IQCM: variants seen among roughly 807,000 people sequenced by gnomAD.
IQCM encodes IQ domain-containing protein M.
A neutral mutation model predicts 57.6 loss-of-function variants in IQCM; 45 were observed. The ratio of observed to expected loss-of-function variants is 0.78; its 90% CI spans 0.62 to 1.00. The LOEUF (loss-of-function observed/expected upper bound fraction) is 1.00, where lower values mean the gene tolerates loss of function less well. IQCM is among the 50% of genes least tolerant of loss of function. The pLI, the probability that IQCM is intolerant of heterozygous loss-of-function variation, is 0.00. For synonymous variants in IQCM, 148 were observed against 158.9 expected, an observed-to-expected ratio of 0.93 and a Z score of 0.51; for missense variants, 468 against 511.6, an observed-to-expected ratio of 0.91 and a Z score of 0.82.
chr4:149,680,132 C>T (rs924255042), intron 7 of IQCM, among the ~76,000 whole-genome samples: 1 of 151,120 alleles, frequency 6.6e-6, no homozygotes, highest in Non-Finnish European at 1.5e-5. Flanking sequence ...CAGTGAAAAT[C>T]CCTATTCTTA....
At chr4:149,801,593 G>A (rs566389514) in intron 2 of IQCM, among the ~76,000 whole-genome samples, 6 of 152,012 alleles carry the variant, frequency 3.9e-5, no homozygotes, top group Middle Eastern at 3.4e-3. Context: ...TTGCAACAAC[G>A]TGGATGCAGC....
intron 7 of IQCM, among the ~76,000 whole-genome samples, chr4:149,667,710 T>C (rs926191248): frequency 6.6e-6 from 1 of 151,852 alleles, no homozygotes; most frequent in Non-Finnish European, 1.5e-5. Flanking sequence ...TGCTAACTAG[T>C]ATAACCAGTT....
chr4:149,686,393 T>G lies in IQCM; in HGVS notation c.461A>C (p.His154Pro). The change falls in exon 6 of 14, where the codon CAC becomes CCC. Residue 154 changes from histidine to proline, a missense_variant. By Grantham distance (77) the His-to-Pro change is moderately conservative. Transcript: ENST00000636793. ...SKKMETAKQQ[H>P]FEESRNRMLE... ...TATACATTACCTGGACTCCTCAAAG[T>G]GCTGTTGCTTTGCTGTCTCCATTTT... 1 of 1,220,126 alleles carries G rather than the reference T, an allele frequency of 8.2e-7. No homozygotes were observed. The highest frequency in any genetic ancestry group is 1.0e-6 in the Non-Finnish European group (1 of 977,456). The allele number at this position is 1,220,126 out of a possible 1,614,324, so 75.6% of individuals were successfully genotyped here. A position where few individuals can be genotyped will look rare whatever the true frequency, so the allele number is the denominator to read the frequency against.
chr4:149,489,974 T>G (rs187649220), intron 12 of IQCM, among the ~76,000 whole-genome samples: 1 of 152,002 alleles, frequency 6.6e-6, no homozygotes, highest in African/African-American at 2.4e-5. Context: ...TCAATATTTG[T>G]GCTTTAAAAA....
intron 8 of IQCM, among the ~76,000 whole-genome samples, chr4:149,595,666 G>A (rs1753708185): frequency 6.6e-6 from 1 of 152,078 alleles, no homozygotes; most frequent in Non-Finnish European, 1.5e-5. Flanking sequence ...TCAATCACTT[G>A]CACACATGCA....
At chr4:149,800,022 A>C (rs1773466208) in intron 2 of IQCM, among the ~76,000 whole-genome samples, 1 of 151,918 alleles carries the variant, frequency 6.6e-6, no homozygotes, top group African/African-American at 2.4e-5. Context: ...CCCTGATACC[A>C]AAACCAGACA....
At chr4:149,643,269 T>C (rs1044382578) in intron 7 of IQCM, among the ~76,000 whole-genome samples, 1 of 152,186 alleles carries the variant, frequency 6.6e-6, no homozygotes, top group African/African-American at 2.4e-5. Context: ...GTGTCAGGCA[T>C]GTACCAAGTG....
At chr4:149,439,202 T>C (rs1187392716) in intron 12 of IQCM, among the ~76,000 whole-genome samples, 1 of 152,076 alleles carries the variant, frequency 6.6e-6, no homozygotes, top group Admixed American at 6.6e-5. Context: ...CACAGCTATT[T>C]AATTGTTCAA....
chr4:149,488,913 C>G (rs1391344759), intron 12 of IQCM, among the ~76,000 whole-genome samples: 1 of 151,996 alleles, frequency 6.6e-6, no homozygotes, highest in Non-Finnish European at 1.5e-5. Flanking sequence ...GAAGGTAGAC[C>G]TTTTGATGAC....
At chr4:149,492,242 T>C (rs1207525114) in intron 12 of IQCM, among the ~76,000 whole-genome samples, 1 of 152,094 alleles carries the variant, frequency 6.6e-6, no homozygotes, top group Admixed American at 6.6e-5. Flanking sequence ...AATAGGTCTT[T>C]GATCAAAGTA....
intron 6 of IQCM, among the ~76,000 whole-genome samples, chr4:149,683,362 A>C (rs1365318402): frequency 2.0e-5 from 3 of 151,288 alleles, no homozygotes; most frequent in Non-Finnish European, 3.0e-5. Flanking sequence ...AGAATTTTAA[A>C]ACATTTGCCT....
chr4:149,565,791 G>C (rs1157787147), intron 9 of IQCM, among the ~76,000 whole-genome samples: 1 of 151,960 alleles, frequency 6.6e-6, no homozygotes, highest in African/African-American at 2.4e-5. Flanking sequence ...GTCTATGTGT[G>C]TAAATGAAAA....
intron 2 of IQCM, among the ~76,000 whole-genome samples, chr4:149,785,089 G>A (rs1208210788): frequency 6.6e-6 from 1 of 152,126 alleles, no homozygotes; most frequent in Non-Finnish European, 1.5e-5. Context: ...TGCATCCATG[G>A]CTATAATAGA....
intron 13 of IQCM, among the ~76,000 whole-genome samples, chr4:149,376,277 T>C (rs1174085885): frequency 1.3e-5 from 2 of 152,032 alleles, no homozygotes; most frequent in Non-Finnish European, 2.9e-5. Flanking sequence ...TAAAGTAGGG[T>C]TTGTTGAGAA....
rs1351477515 is a variant in IQCM at position 149,368,756 on chromosome 4, G to A, written c.1391-16690C>T. On this transcript the variant is annotated intron_variant, in intron 13 of 13. Transcript: ENST00000636793. ...AAAGGCACAAATTATATATATACATGTATATATATATATACATATATATAC... is the reference window on the plus strand; with the variant it reads ...AAAGGCACAAATTATATATATACATATATATATATATATACATATATATAC... Among the ~76,000 whole-genome samples, 9 of 73,258 alleles carry A rather than the reference G, an allele frequency of 1.2e-4. No individual in the cohort carries two copies. In the South Asian group the frequency reaches 4.1e-3, roughly 33 times the overall value. The allele number at this position is 73,258 out of a possible 152,430, so 48.1% of individuals were successfully genotyped here. A position where few individuals can be genotyped will look rare whatever the true frequency, so the allele number is the denominator to read the frequency against.
At position 149,628,188 on chromosome 4, in the gene IQCM, C is replaced by T. The variant is rs2726777; in HGVS notation, c.566-6944G>A. 4.6e-5 allele frequency among the ~76,000 whole-genome samples: 7 copies of T among 151,988 alleles called. No individual in the cohort carries two copies. In the South Asian group the frequency reaches 1.5e-3, roughly 31 times the overall value. ...CTATAATTCTAAAAATTCAGTAAAA[C>T]TGTTTAAATCTAAAAATATTCTGCT... On this transcript the variant is annotated intron_variant, in intron 7 of 13. Transcript: ENST00000636793.
At chr4:149,733,058 G>A (rs1299474250) in intron 5 of IQCM, among the ~76,000 whole-genome samples, 186 bp downstream of exon 5, 1 of 152,088 alleles carries the variant, frequency 6.6e-6, no homozygotes, top group East Asian at 1.9e-4. Flanking sequence ...TTTAGAATGG[G>A]TTCATCTCAA....
chr4:149,407,173 G>A (rs1733042118), intron 13 of IQCM, among the ~76,000 whole-genome samples: 1 of 151,934 alleles, frequency 6.6e-6, no homozygotes, highest in Non-Finnish European at 1.5e-5. Flanking sequence ...TCCCCCCCCA[G>A]GTCCCTCCCA....
rs574461761 is a variant in IQCM at position 149,693,284 on chromosome 4, T to C, written c.386-6816A>G. Among the ~76,000 whole-genome samples, 4 of 152,328 alleles carry C rather than the reference T, an allele frequency of 2.6e-5. No homozygotes were observed. In the South Asian group the frequency reaches 8.3e-4, roughly 32 times the overall value. On this transcript the variant is annotated intron_variant, in intron 5 of 13. Coordinates refer to ENST00000636793, the MANE Select transcript of IQCM (RefSeq NM_001363507.2). ...CTTCTAACCCTTTACTTGAATGATA[T>C]GGTCCATGACCTTGGCTATATTTAG...
Sources: gnomAD v4.1 joint callset for allele counts (sites outside exome capture counted in the v4.1 genomes callset) on GRCh38, gnomAD v4.1.1 for gene constraint, MANE v1.5 for transcripts, NCBI Gene and HGNC (gene_info 2026-07-23, HGNC 2026-07-21) for gene names.